COL21A1: variants seen among roughly 807,000 people sequenced by gnomAD.
The protein encoded by COL21A1 is collagen alpha-1(XXI) chain.
Under a neutral mutation model 137.9 loss-of-function variants are expected in COL21A1, and 149 were observed. The observed-to-expected ratio is 1.08, with a 90% CI of 0.95 to 1.24. The LOEUF is 1.24. COL21A1 is among the 50% of genes most tolerant of loss of function. The probability of loss-of-function intolerance (pLI) is 0.00; values close to 1 mark genes in which losing one functional copy is unlikely to be tolerated. For missense variants in COL21A1, 1,167 were observed against 1,158.4 expected, an observed-to-expected ratio of 1.01 and a Z score of -0.11; for synonymous variants, 456 against 391.5, an observed-to-expected ratio of 1.16 and a Z score of -1.95.
At chr6:56,352,369 A>C (rs1398130628) in intron 1 of COL21A1, among the ~76,000 whole-genome samples, 1 of 152,000 alleles carries the variant, frequency 6.6e-6, no homozygotes, top group Non-Finnish European at 1.5e-5. Flanking sequence ...GTGGCAAAGG[A>C]AGGTTTCCAG....
rs549384584 is a variant in COL21A1, at chr6:56,133,314, G to A, written c.1543-7165C>T. On this transcript the variant is annotated intron_variant, in intron 12 of 29. Coordinates refer to ENST00000244728, the MANE Select transcript of COL21A1 (RefSeq NM_030820.4). ...AACTCTTGTTATGTTTTAGTAAAGAGACTGGTGGCATTTTTCCCCTGCCCT... is the reference window on the plus strand; with the variant it reads ...AACTCTTGTTATGTTTTAGTAAAGAAACTGGTGGCATTTTTCCCCTGCCCT... 1.3e-4 allele frequency among the ~76,000 whole-genome samples: 20 copies of A among 152,280 alleles called. No individual in the cohort carries two copies. The South Asian group carries it at 4.1e-3, about 32-fold the overall frequency.
chr6:56,092,287 A>T (rs1034939199), intron 17 of COL21A1, among the ~76,000 whole-genome samples: 9 of 152,162 alleles, frequency 5.9e-5, no homozygotes, highest in Non-Finnish European at 1.3e-4. Context: ...CAAAAACCCA[A>T]CTGGGGAAAA....
chr6:56,192,733 T>C (rs1778770638), intron 1 of COL21A1, among the ~76,000 whole-genome samples: 1 of 152,210 alleles, frequency 6.6e-6, no homozygotes, highest in Non-Finnish European at 1.5e-5. Context: ...TTTACACTGT[T>C]GGTGGGAGTG....
At chr6:56,386,248 C>T (rs1382618263) in intron 1 of COL21A1, among the ~76,000 whole-genome samples, 1 of 152,184 alleles carries the variant, frequency 6.6e-6, no homozygotes, top group African/African-American at 2.4e-5. Context: ...TGCACCTGGC[C>T]TCATTCCTTT....
chr6:56,097,864 A>AATATAT (rs1447497704), intron 17 of COL21A1, among the ~76,000 whole-genome samples: 6,478 of 29,774 alleles, frequency 0.22, 1,599 homozygotes, highest in East Asian at 0.52. Flanking sequence ...TAAATATATA[A>AATATAT]AAATATCTAT....
rs529683720 is a variant in COL21A1 at position 56,198,042 on chromosome 6, AC to A, written c.-38-15387del. Reference sequence around the variant, plus strand: ...ACAGGAGAGAATACTATTTAGACTTACAAAAAAAGGAAATCCTCCCATTTGC... The same window carrying A: ...ACAGGAGAGAATACTATTTAGACTTAAAAAAAAGGAAATCCTCCCATTTGC... On this transcript the variant is annotated intron_variant, in intron 1 of 29. Coordinates refer to ENST00000244728, the MANE Select transcript of COL21A1 (RefSeq NM_030820.4). Among the ~76,000 whole-genome samples the A allele has an allele frequency of 1.0e-3, 159 of 152,196 alleles. 1 individual carries two copies. Among genetic ancestry groups the A allele is most frequent in the African/African-American group, 3.7e-3 (153 of 41,536 alleles).
chr6:56,116,896 AT>A (rs766590504), intron 16 of COL21A1, among the ~76,000 whole-genome samples: 1 of 152,026 alleles, frequency 6.6e-6, no homozygotes, highest in Non-Finnish European at 1.5e-5. Flanking sequence ...TCAGTTTAAA[AT>A]AATGGGTTAT....
Position 56,315,988 on chromosome 6 carries a change from TTTTA to T in COL21A1, c.-39+77979_-39+77982del, listed in dbSNP as rs143298185. Among the ~76,000 whole-genome samples, 448 of 152,332 alleles carry T rather than the reference TTTTA, an allele frequency of 2.9e-3. 2 individuals are homozygous for T. The highest frequency in any genetic ancestry group is 0.011 in the African/African-American group (437 of 41,580). On this transcript the variant is annotated intron_variant, in intron 1 of 28. Coordinates refer to the COL21A1 transcript ENST00000370819. ...AGTGAATACCTTAAATATATACAATTTTTATTTGTCAGTCATACCACAATAGATC... is the reference window on the plus strand; with the variant it reads ...AGTGAATACCTTAAATATATACAATTTTTGTCAGTCATACCACAATAGATC...
intron 1 of COL21A1, among the ~76,000 whole-genome samples, chr6:56,208,042 T>A (rs1779906499): frequency 6.6e-6 from 1 of 152,090 alleles, no homozygotes; most frequent in African/African-American, 2.4e-5. Context: ...CTCAAAATCA[T>A]AAGAGCTATT....
At chr6:56,194,322 T>C (rs1353398330) in intron 1 of COL21A1, among the ~76,000 whole-genome samples, 1 of 152,204 alleles carries the variant, frequency 6.6e-6, no homozygotes, top group Non-Finnish European at 1.5e-5. Context: ...TTAAAACTGG[T>C]GTGTTTCATA....
chr6:56,077,968 G>T (rs1767391813), intron 17 of COL21A1: 1 of 421,838 alleles, frequency 2.4e-6, no homozygotes, highest in African/African-American at 2.1e-5. Context: ...CAAGCCCTCA[G>T]TGTCACCACC....
rs1765949434 is a variant in COL21A1 at position 56,360,862 on chromosome 6, G to A, written c.-39+33109C>T. Among the ~76,000 whole-genome samples the A allele has an allele frequency of 2.6e-5, 4 of 152,188 alleles. No individual in the cohort carries two copies. In the South Asian group the frequency reaches 8.3e-4, roughly 32 times the overall value. ...TGCCTGTAATCACAGCACTTTGGGA[G>A]GCCAAGGTGGGCAGATCACCTGAAG... On this transcript the variant is annotated intron_variant, in intron 1 of 28. Coordinates refer to the COL21A1 transcript ENST00000370819.
At chr6:56,331,539 T>C (rs1486702183) in intron 1 of COL21A1, among the ~76,000 whole-genome samples, 1 of 126,302 alleles carries the variant, frequency 7.9e-6, no homozygotes, top group African/African-American at 2.6e-5. Context: ...AAGGATGTCC[T>C]TTCCCCAGTG....
At chr6:56,273,641 C>T (rs1314888141) in intron 1 of COL21A1, among the ~76,000 whole-genome samples, 1 of 152,072 alleles carries the variant, frequency 6.6e-6, no homozygotes, top group Non-Finnish European at 1.5e-5. Context: ...GGATAAATTC[C>T]CAGAAGAATA....
At chr6:56,164,020 AT>A (rs1183305292) in intron 9 of COL21A1, among the ~76,000 whole-genome samples, 3 of 152,190 alleles carry the variant, frequency 2.0e-5, no homozygotes, top group African/African-American at 4.8e-5. Flanking sequence ...TTCTTACTTC[AT>A]TTTTTCCATC....
At position 56,056,676 on chromosome 6, in the gene COL21A1, C is replaced by G. The variant is rs1330114856; in HGVS notation, c.*981G>C. The G allele has an allele frequency of 1.3e-5, 2 of 152,152 alleles. No homozygotes were observed. The highest frequency in any genetic ancestry group is 4.8e-5 in the African/African-American group (2 of 41,444). The allele number at this position is 152,152 out of a possible 1,614,324, so 9.4% of individuals were successfully genotyped here. A position where few individuals can be genotyped will look rare whatever the true frequency, so the allele number is the denominator to read the frequency against. ...TGACAAGGATGAAATATTTCAAATT[C>G]TGTTTCTTACAAAAGCATTAAGCAC... is the stretch of plus-strand genomic sequence containing the variant. On this transcript the variant is annotated 3_prime_UTR_variant, in exon 30 of 30. Coordinates refer to ENST00000244728, the MANE Select transcript of COL21A1 (RefSeq NM_030820.4).
chr6:56,123,721 G>A (rs1925165), intron 16 of COL21A1, among the ~76,000 whole-genome samples: 72,108 of 151,946 alleles, frequency 0.47, 17,841 homozygotes, highest in East Asian at 0.74. Context: ...AAGAAGCCGG[G>A]GTTAAGAAGA....
intron 10 of COL21A1, among the ~76,000 whole-genome samples, chr6:56,145,304 G>C (rs893107400): frequency 6.6e-6 from 1 of 152,242 alleles, no homozygotes; most frequent in East Asian, 1.9e-4. Context: ...ATATTTTTAA[G>C]GTTACAATTA....
At chr6:56,156,125 C>T (rs1775725702) in intron 10 of COL21A1, among the ~76,000 whole-genome samples, 2 of 152,148 alleles carry the variant, frequency 1.3e-5, no homozygotes, top group South Asian at 2.1e-4. Context: ...AATTTGAAAG[C>T]TTCCACAGAT....
Sources: gnomAD v4.1 joint callset for allele counts (sites outside exome capture counted in the v4.1 genomes callset) on GRCh38, gnomAD v4.1.1 for gene constraint, MANE v1.5 for transcripts, NCBI Gene and HGNC (gene_info 2026-07-23, HGNC 2026-07-21) for gene names.